Variants in OR52N4 observed in about 807,000 individuals in gnomAD.
OR52N4 encodes olfactory receptor family 52 subfamily N member 4.
A neutral mutation model predicts 15.0 loss-of-function variants in OR52N4; 15 were observed. The ratio of observed to expected loss-of-function variants is 1.00; its 90% CI spans 0.67 to 1.54. The LOEUF (loss-of-function observed/expected upper bound fraction) is 1.54. Among genes scored for constraint, OR52N4 ranks in the 40% most tolerant of loss-of-function variants. The pLI is 0.00. For synonymous variants in OR52N4, 143 were observed against 143.7 expected (o/e 1.00, Z 0.03); for missense variants, 421 against 394.0 (o/e 1.07, Z -0.58).
At chr11:5,728,801 G>C in the OR52N4 span, among the ~76,000 whole-genome samples, 1 of 152,174 alleles carries the variant, frequency 6.6e-6, no homozygotes, top group Non-Finnish European at 1.5e-5. Flanking sequence ...GCTGAGCACT[G>C]TCCATTTTTC....
At position 5,754,939 on chromosome 11, in the gene OR52N4, A is replaced by G; in HGVS notation, c.199A>G (p.Met67Val). ...LHKPMYYFLA[M>V]LSFTDLVMCS... is the part of the protein sequence containing the mutation. The stretch of plus-strand genomic sequence containing the variant: ...CAAACCCATGTACTACTTCTTGGCC[A>G]TGCTTTCCTTTACTGACCTTGTTAT... The change falls in exon 2 of 2, where the codon ATG becomes GTG. Residue 67 changes from methionine (M) to valine (V), a missense_variant. Physicochemically the swap from Met to Val is conservative, Grantham distance 21 (BLOSUM62 1). Coordinates refer to ENST00000641350, the MANE Select transcript of OR52N4 (RefSeq NM_001005175.5). 1 of 1,613,808 alleles carries G rather than the reference A, an allele frequency of 6.2e-7. No individual in the cohort carries two copies. The highest frequency in any genetic ancestry group is 8.5e-7 in the Non-Finnish European group (1 of 1,179,824).
chr11:5,745,202 T>C, the OR52N4 span, among the ~76,000 whole-genome samples: 1 of 152,082 alleles, frequency 6.6e-6, no homozygotes, highest in Non-Finnish European at 1.5e-5. Context: ...TCTAGAGCAA[T>C]CAAGGAAAAG....
At chr11:5,749,180 CGTTTACAGATCACT>C in the OR52N4 span, among the ~76,000 whole-genome samples, 1 of 151,802 alleles carries the variant, frequency 6.6e-6, no homozygotes, top group Non-Finnish European at 1.5e-5. Flanking sequence ...GAGTAGATTG[CGTTTACAGATCACT>C]GTTCTGCTAT....
chr11:5,739,281 G>A, the OR52N4 span, among the ~76,000 whole-genome samples: 1 of 127,362 alleles, frequency 7.9e-6, no homozygotes, highest in Non-Finnish European at 1.7e-5. Flanking sequence ...GGGCACAGTG[G>A]CTTACACTTG....
the OR52N4 span, chr11:5,736,645 G>A: frequency 3.1e-6 from 5 of 1,613,850 alleles, no homozygotes; most frequent in Admixed American, 8.3e-5. Context: ...TGGCACTACT[G>A]TATCTCTCAG....
the OR52N4 span, among the ~76,000 whole-genome samples, chr11:5,741,533 G>A: frequency 6.6e-6 from 1 of 152,144 alleles, no homozygotes; most frequent in Non-Finnish European, 1.5e-5. Flanking sequence ...TATTATATGA[G>A]GCCAAAAGAG....
At chr11:5,740,312 G>A in the OR52N4 span, among the ~76,000 whole-genome samples, 3 of 127,960 alleles carry the variant, frequency 2.3e-5, 1 homozygote, top group African/African-American at 8.4e-5. Flanking sequence ...AAGGTATGTG[G>A]AGGGGTGGAC....
chr11:5,737,796 TAC>T, the OR52N4 span: 4 of 244,414 alleles, frequency 1.6e-5, no homozygotes, highest in Admixed American at 5.0e-5. Context: ...CACCCACAAA[TAC>T]ACACACAGAC....
chr11:5,736,353 C>T, the OR52N4 span: 2 of 637,642 alleles, frequency 3.1e-6, no homozygotes, highest in African/African-American at 1.8e-5. Flanking sequence ...AGTCAAGTAA[C>T]ACTGAGATAA....
At chr11:5,736,910 T>C in the OR52N4 span, 1 of 1,614,066 alleles carries the variant, frequency 6.2e-7, no homozygotes, top group Non-Finnish European at 8.5e-7. Context: ...TTTTGATAGA[T>C]ATGTGGCTAT....
upstream of OR52N4, among the ~76,000 whole-genome samples, chr11:5,751,358 T>G (rs945382689): frequency 6.6e-6 from 1 of 151,872 alleles, no homozygotes; most frequent in African/African-American, 2.4e-5. Flanking sequence ...TTTGTCATCT[T>G]TTTTTTTCCA....
the OR52N4 span, chr11:5,738,249 A>C: frequency 6.6e-6 from 1 of 152,224 alleles, no homozygotes; most frequent in African/African-American, 2.4e-5. Flanking sequence ...AGGAGACAGC[A>C]TTTGGGCTAT....
At chr11:5,734,363 A>C in the OR52N4 span, 2 of 345,400 alleles carry the variant, frequency 5.8e-6, no homozygotes. Flanking sequence ...TTTTAGTAGC[A>C]TATAGAGGAT....
At chr11:5,750,569 T>C (rs1854169690), upstream of OR52N4, among the ~76,000 whole-genome samples, 1 of 151,982 alleles carries the variant, frequency 6.6e-6, no homozygotes, top group South Asian at 2.1e-4. Context: ...TTATAAATTA[T>C]TGAAAAAGTA....
the OR52N4 span, among the ~76,000 whole-genome samples, chr11:5,748,944 G>C: frequency 6.6e-6 from 1 of 151,922 alleles, no homozygotes; most frequent in Admixed American, 6.6e-5. Flanking sequence ...ACTGAGAATG[G>C]AAAGTTCTTG....
Position 5,755,183 on chromosome 11 carries a change from C to A in OR52N4, c.443C>A (p.Thr148Asn), listed in dbSNP as rs1190597180. The A allele has an allele frequency of 1.2e-6, 2 of 1,614,074 alleles. No homozygotes were observed. Among genetic ancestry groups the A allele is most frequent in the Non-Finnish European group, 1.7e-6 (2 of 1,179,982 alleles). ...AATCCTGTAATTGCAAAGGTTGGGA[C>A]TGCCACCTTCCTGAGAGGGGTATTA... The part of the protein sequence containing the change: ...LTNPVIAKVG[T>N]ATFLRGVLLI... The change falls in exon 2 of 2, where the codon ACT (threonine) becomes AAT (asparagine). Residue 148 changes from threonine to asparagine, a missense_variant. Physicochemically the swap from Thr to Asn is moderately conservative, Grantham distance 65. Transcript: ENST00000641350.
chr11:5,754,046 T>G (rs1350991328), upstream of OR52N4, among the ~76,000 whole-genome samples: 1 of 148,814 alleles, frequency 6.7e-6, no homozygotes, highest in East Asian at 2.0e-4. Context: ...GTATCCATCA[T>G]CTCAAACATT....
intron 1 of OR52N4, 40 bp from the exon 2 acceptor site, chr11:5,754,653 A>G: frequency 7.2e-7 from 1 of 1,398,524 alleles, no homozygotes; most frequent in Admixed American, 2.4e-5. Context: ...AGACAGTAAA[A>G]ATAACCTATA....
At chr11:5,729,061 C>G in the OR52N4 span, among the ~76,000 whole-genome samples, 1 of 150,892 alleles carries the variant, frequency 6.6e-6, no homozygotes, top group East Asian at 1.9e-4. Context: ...ACAACAGACC[C>G]CGGTGTGTGA....
Sources: allele counts gnomAD v4.1 joint callset (sites outside exome capture counted in the v4.1 genomes callset), GRCh38; gene constraint gnomAD v4.1.1; transcripts MANE v1.5; gene names NCBI Gene and HGNC (gene_info 2026-07-23, HGNC 2026-07-21).